Variants in NUTM1 observed in about 807,000 individuals in gnomAD.
The protein encoded by NUTM1 is NUT midline carcinoma family member 1, also known as NUT family member 1.
In NUTM1, 39 loss-of-function variants were observed where a neutral mutation model predicts 88.7. The ratio of observed to expected loss-of-function variants is 0.44; its 90% CI spans 0.34 to 0.57. NUTM1 has a LOEUF of 0.57. NUTM1 is among the 20% of genes least tolerant of loss of function. The probability of loss-of-function intolerance (pLI) is 0.01; values close to 1 mark genes in which losing one functional copy is unlikely to be tolerated. For synonymous variants in NUTM1, 494 were observed against 538.0 expected (o/e 0.92, Z 1.13); for missense variants, 1,350 against 1,414.5 (o/e 0.95, Z 0.73).
intron 3 of NUTM1, among the ~76,000 whole-genome samples, chr15:34,350,059 C>T (rs1017678275): frequency 3.3e-5 from 5 of 152,100 alleles, no homozygotes; most frequent in Non-Finnish European, 7.3e-5. Context: ...CTTCCCCAAG[C>T]GATTCTGATG....
Position 34,348,094 on chromosome 15 carries a change from C to T in NUTM1, c.226C>T (p.Gln76Ter). The T allele has an allele frequency of 6.2e-7, 1 of 1,614,172 alleles. No individual in the cohort carries two copies. The highest frequency in any genetic ancestry group is 8.5e-7 in the Non-Finnish European group (1 of 1,180,010). The change falls in exon 3 of 8, where the codon CAG becomes TAG. Residue 76 changes from glutamine to a stop codon, truncating the protein, a stop_gained. Transcript: ENST00000537011. LOFTEE classifies it high-confidence loss of function. ...CCACCCACCCAGGGAGCCACCTCCA[C>T]AGCCCATCATGCCTTCAGTATTCTC... The part of the protein sequence containing the change: ...PDHPPREPPP[Q>*]PIMPSVFSPD...
chr15:34,346,297 CA>C (rs1468127410), intron 2 of NUTM1, among the ~76,000 whole-genome samples: 2 of 152,014 alleles, frequency 1.3e-5, no homozygotes, highest in African/African-American at 4.8e-5. Context: ...TTCTCTTGAA[CA>C]GGGGACACTT....
Position 34,343,403 on chromosome 15 carries a change from G to GGGTGTCTCAA in NUTM1, c.-294_-293insGGTGTCTCAA. On this transcript the variant is annotated 5_prime_UTR_variant, in exon 1 of 8. It removes the in-frame stop codon of an upstream open reading frame in the 5' UTR. Coordinates refer to ENST00000537011, the MANE Select transcript of NUTM1 (RefSeq NM_001284292.2). ...GTATAGAAGCCTGTCTTTGTCTCAA[G>GGGTGTCTCAA]ATACACACCCATTTCAGGAGCAGTG... The GGGTGTCTCAA allele has an allele frequency of 1.6e-6, 1 of 619,754 alleles. No homozygotes were observed. The highest frequency in any genetic ancestry group is 2.8e-6 in the Non-Finnish European group (1 of 355,948). The allele number at this position is 619,754 out of a possible 1,614,324, so 38.4% of individuals were successfully genotyped here.
intron 4 of NUTM1, among the ~76,000 whole-genome samples, chr15:34,351,056 T>TAA (rs777907063): frequency 7.3e-6 from 1 of 137,504 alleles, no homozygotes; most frequent in East Asian, 2.1e-4. Flanking sequence ...CTGTCTCTAC[T>TAA]AAAAAAAAAA....
intron 3 of NUTM1, 100 bp from the exon 4 acceptor site, chr15:34,350,604 A>G (rs1282828463): frequency 6.9e-7 from 1 of 1,439,716 alleles, no homozygotes; most frequent in Non-Finnish European, 9.4e-7. Context: ...GGGGCACAAT[A>G]GATTTGATGA....
chr15:34,349,757 A>G (rs1304503687), intron 3 of NUTM1, among the ~76,000 whole-genome samples: 1 of 152,246 alleles, frequency 6.6e-6, no homozygotes, highest in Non-Finnish European at 1.5e-5. Context: ...ATGAATCAAG[A>G]TGTTCCCCCA....
chr15:34,347,319 G>A (rs1202792457), intron 2 of NUTM1, among the ~76,000 whole-genome samples: 3 of 151,394 alleles, frequency 2.0e-5, no homozygotes, highest in East Asian at 1.9e-4. Flanking sequence ...GCACAGAGGC[G>A]CAATCTCAGC....
rs1890642902 is a variant in NUTM1 at position 34,348,320 on chromosome 15, G to GT, written c.453dup (p.Gly152TrpfsTer4). On this transcript the variant is annotated frameshift_variant, in exon 3 of 8. Coordinates refer to ENST00000537011, the MANE Select transcript of NUTM1 (RefSeq NM_001284292.2). LOFTEE classifies it high-confidence loss of function. ...AATTCGACTGCCCCGGGCACTCCCT[G>GT]TGGAGGCCTTGAGGGTCCTGCACCT... 6.2e-7 allele frequency: 1 copy of GT among 1,614,140 alleles called. No individual in the cohort carries two copies. Among genetic ancestry groups the GT allele is most frequent in the African/African-American group, 1.3e-5 (1 of 74,952 alleles).
rs1272226323 is a variant in NUTM1 at position 34,355,669 on chromosome 15, T to C, written c.1661T>C (p.Val554Ala). The C allele has an allele frequency of 1.2e-6, 2 of 1,608,308 alleles. No homozygotes were observed. Among genetic ancestry groups the C allele is most frequent in the African/African-American group, 1.3e-5 (1 of 74,610 alleles). The change falls in exon 8 of 8, where the codon GTT becomes GCT. Residue 554 changes from valine to alanine, a missense_variant. Physicochemically the swap from Val to Ala is moderately conservative, Grantham distance 64. Around this residue, in one of 5 missense-constraint regions of NUTM1, gnomAD observed 730 missense variants for 728.8 expected, o/e 1.00. Transcript: ENST00000537011. This position sits in a 1 kb window ranked among gnomAD's most constrained non-coding sequence, Gnocchi z 4.3. Reference sequence around the variant, plus strand: ...GGGGGCGCCGCTTGCCTTGGAAAGGTTTCTTCTTCAGGAAAACGGGCAAGA... The same window carrying C: ...GGGGGCGCCGCTTGCCTTGGAAAGGCTTCTTCTTCAGGAAAACGGGCAAGA... ...GAGGAACLGK[V>A]SSSGKRAREV...
In NUTM1 at chr15:34,357,547, A is replaced by T; in HGVS notation, c.*56A>T. 1.9e-6 allele frequency: 3 copies of T among 1,609,622 alleles called. No homozygotes were observed. The highest frequency in any genetic ancestry group is 2.5e-6 in the Non-Finnish European group (3 of 1,179,952). The stretch of plus-strand genomic sequence containing the variant: ...CAGTCCCTAAAGGTGGGTGCCCCAG[A>T]GTAGATTCCACCCCTGCTGCCCACC... On this transcript the variant is annotated 3_prime_UTR_variant, in exon 8 of 8. Transcript: ENST00000537011.
At position 34,350,715 on chromosome 15, in the gene NUTM1, G is replaced by A. The variant is rs757376615; in HGVS notation, c.821G>A (p.Arg274His). 1.3e-5 allele frequency: 21 copies of A among 1,612,288 alleles called. No individual in the cohort carries two copies. The highest frequency in any genetic ancestry group is 1.1e-4 in the East Asian group (5 of 44,872). ...ALSCFLIPVLRSLARLKPTMT... is the reference protein window; with the variant it reads ...ALSCFLIPVLHSLARLKPTMT... ...AATGGGGGTTTTAGCCCAGTGCTTC[G>A]TTCCCTGGCCCGGCTGAAGCCCACT... The change falls in exon 4 of 8, where the codon CGT becomes CAT. Residue 274 changes from arginine (R) to histidine (H), a missense_variant. Around this residue, in one of 5 missense-constraint regions of NUTM1, gnomAD observed 399 missense variants for 397.9 expected, o/e 1.00. Transcript: ENST00000537011.
chr15:34,345,576 G>T (rs1202596941), intron 1 of NUTM1, among the ~76,000 whole-genome samples: 2 of 152,204 alleles, frequency 1.3e-5, no homozygotes, highest in Non-Finnish European at 2.9e-5. Flanking sequence ...CAGTCAACCT[G>T]CTGTTAATAG....
chr15:34,352,936 A>C (rs1595611949), intron 4 of NUTM1, among the ~76,000 whole-genome samples: 1 of 110,394 alleles, frequency 9.1e-6, no homozygotes, highest in African/African-American at 3.6e-5. Context: ...CCTGGGCTGG[A>C]GTGCAATGGC....
At position 34,353,789 on chromosome 15, in the gene NUTM1, A is replaced by G. The variant is rs1014916751; in HGVS notation, c.992A>G (p.Asn331Ser). 1 of 1,614,102 alleles carries G rather than the reference A, an allele frequency of 6.2e-7. No individual in the cohort carries two copies. Residue 331 changes from asparagine to serine, a missense_variant, in exon 5 of 8, where the codon AAT becomes AGT. This residue lies in a region of NUTM1 where 6 missense variants were observed against 21.9 expected (regional missense o/e 0.27). Coordinates refer to ENST00000537011, the MANE Select transcript of NUTM1 (RefSeq NM_001284292.2). ...CAGATTCAGAACACACAGCTGATGA[A>G]TGGGTCTCAGGGCCTGTCTCCTGCA... ...EMQIQNTQLM[N>S]GSQGLSPATP...
In NUTM1 at chr15:34,355,969, G is replaced by T; in HGVS notation, c.1961G>T (p.Gly654Val). 6.2e-7 allele frequency: 1 copy of T among 1,614,156 alleles called. No individual in the cohort carries two copies. The highest frequency in any genetic ancestry group is 2.2e-5 in the East Asian group (1 of 44,864). The change falls in exon 8 of 8, where the codon GGA becomes GTA. Residue 654 changes from glycine (G) to valine (V), a missense_variant. By Grantham distance (109) the Gly-to-Val change is moderately radical. Around this residue, in one of 5 missense-constraint regions of NUTM1, gnomAD observed 730 missense variants for 728.8 expected, o/e 1.00. Transcript: ENST00000537011. This position sits in a 1 kb window ranked among gnomAD's most constrained non-coding sequence, Gnocchi z 4.3. ...TSEALPLCWQ[G>V]GFQPESTPSL... Reference sequence around the variant, plus strand: ...GAGGCTCTGCCCCTTTGTTGGCAGGGAGGCTTCCAGCCTGAGAGCACTCCC... The same window carrying T: ...GAGGCTCTGCCCCTTTGTTGGCAGGTAGGCTTCCAGCCTGAGAGCACTCCC...
rs1426617012 is a variant in NUTM1, at chr15:34,355,335, A to T, written c.1480-153A>T. ...CAAAGCATGGGAATAAGGCACAAGA[A>T]GGTGGGAAAGAGCTGCAGTATCTGT... On this transcript the variant is annotated intron_variant, in intron 7 of 7. Transcript: ENST00000537011. The surrounding 1 kb of genome is among the most constrained non-coding windows in gnomAD (Gnocchi z 4.3). Among the ~76,000 whole-genome samples the T allele has an allele frequency of 6.6e-6, 1 of 152,200 alleles. No individual in the cohort carries two copies. The highest frequency in any genetic ancestry group is 2.4e-5 in the African/African-American group (1 of 41,444).
At chr15:34,354,297 T>C in intron 5 of NUTM1, 149 bp from the exon 6 acceptor site, 1 of 915,682 alleles carries the variant, frequency 1.1e-6, no homozygotes, top group Non-Finnish European at 1.7e-6. Context: ...CCCAGATTGC[T>C]GAGCTTACAG....
intron 1 of NUTM1, among the ~76,000 whole-genome samples, chr15:34,344,985 T>C (rs891572213): frequency 1.3e-5 from 2 of 152,068 alleles, no homozygotes; most frequent in African/African-American, 4.8e-5. Flanking sequence ...GCCACTGCAC[T>C]ACAGCCTGGG....
In NUTM1 at chr15:34,355,900, G is replaced by T; in HGVS notation, c.1892G>T (p.Gly631Val). The T allele has an allele frequency of 6.2e-7, 1 of 1,613,930 alleles. No individual in the cohort carries two copies. The stretch of plus-strand genomic sequence containing the variant: ...CTACATCAGGATGGCCATCTAGGAG[G>T]CGCTGGGCCTCCTGGGCACTGCCTG... ...VSLHQDGHLG[G>V]AGPPGHCLVA... Residue 631 changes from glycine to valine, a missense_variant, in exon 8 of 8, where the codon GGC (glycine) becomes GTC (valine). Gly to Val is a moderately radical substitution (Grantham distance 109). Coordinates refer to ENST00000537011, the MANE Select transcript of NUTM1 (RefSeq NM_001284292.2). The surrounding 1 kb of genome is among the most constrained non-coding windows in gnomAD (Gnocchi z 4.3).
Sources: gnomAD v4.1 joint callset for allele counts (sites outside exome capture counted in the v4.1 genomes callset) on GRCh38, gnomAD v4.1.1 for gene constraint, gnomAD v4.1.1 regional missense constraint, Gnocchi (gnomAD v3.1) non-coding constraint, MANE v1.5 for transcripts, NCBI Gene and HGNC (gene_info 2026-07-23, HGNC 2026-07-21) for gene names.